The following ERC2 variants were observed in gnomAD, a reference collection of about 807,000 sequenced individuals.
The protein encoded by ERC2 is ERC protein 2.
ERC2 carries 42 observed loss-of-function variants against 114.8 expected under a neutral mutation model. That is an observed-to-expected ratio of 0.37 (90% CI 0.29 to 0.47). The LOEUF (loss-of-function observed/expected upper bound fraction) is 0.47, where lower values mean the gene tolerates loss of function less well. Among genes scored for constraint, ERC2 ranks in the 20% least tolerant of loss-of-function variants. The probability of loss-of-function intolerance (pLI) is 0.99; values close to 1 mark genes in which losing one functional copy is unlikely to be tolerated. For missense variants in ERC2, 939 were observed against 1,150.7 expected (o/e 0.82, Z 2.66); for synonymous variants, 454 against 425.5 (o/e 1.07, Z -0.82).
Position 56,346,400 on chromosome 3 carries a change from A to G in ERC2, c.658-49965T>C, listed in dbSNP as rs138317670. 5.4e-3 allele frequency among the ~76,000 whole-genome samples: 820 copies of G among 152,278 alleles called. 6 individuals are homozygous for G. The highest frequency in any genetic ancestry group is 0.018 in the African/African-American group (767 of 41,558). On this transcript the variant is annotated intron_variant, in intron 2 of 17. Coordinates refer to ENST00000288221, the MANE Select transcript of ERC2 (RefSeq NM_015576.3). ...TATAAAAATCAACTCAAAATGGATT[A>G]AAAACTTAAACATAAGACCTTGTAT...
chr3:55,699,301 C>A, intron 16 of ERC2, 77 bp downstream of exon 16: 1 of 1,560,632 alleles, frequency 6.4e-7, no homozygotes, highest in Non-Finnish European at 8.8e-7. Flanking sequence ...TTTATTATTT[C>A]TTGAGGATTA....
intron 7 of ERC2, among the ~76,000 whole-genome samples, chr3:56,029,547 C>T (rs2074250738): frequency 6.6e-6 from 1 of 151,966 alleles, no homozygotes; most frequent in Admixed American, 6.5e-5. Context: ...ATGTTGGTTA[C>T]TTTTGGATAC....
intron 6 of ERC2, among the ~76,000 whole-genome samples, chr3:56,100,518 C>A (rs577566008): frequency 6.6e-6 from 1 of 152,162 alleles, no homozygotes. Flanking sequence ...AACAAAACCA[C>A]AAAATTAAAA....
chr3:55,650,248 A>C lies in ERC2; in HGVS notation c.*39+33546T>G, dbSNP rs1173467495. On this transcript the variant is annotated intron_variant, in intron 17 of 17. Coordinates refer to ENST00000288221, the MANE Select transcript of ERC2 (RefSeq NM_015576.3). Reference sequence around the variant, plus strand: ...TCCTTATTCATAGAGCGTTCCCTGCAAAAAGAGTCCTCGCAAGGCTCCCCA... The same window carrying C: ...TCCTTATTCATAGAGCGTTCCCTGCCAAAAGAGTCCTCGCAAGGCTCCCCA... Among the ~76,000 whole-genome samples, 4 of 152,164 alleles carry C rather than the reference A, an allele frequency of 2.6e-5. No homozygotes were observed. The East Asian group carries it at 7.7e-4, about 29-fold the overall frequency.
At chr3:56,142,002 T>C (rs2080884563) in intron 5 of ERC2, among the ~76,000 whole-genome samples, 1 of 152,196 alleles carries the variant, frequency 6.6e-6, no homozygotes, top group African/African-American at 2.4e-5. Flanking sequence ...TCCTGTGAAA[T>C]TGGAATTTTT....
intron 13 of ERC2, among the ~76,000 whole-genome samples, chr3:55,928,706 C>T (rs2065894099): frequency 1.3e-5 from 2 of 152,132 alleles, no homozygotes; most frequent in South Asian, 4.1e-4. Flanking sequence ...TGGAGAGTTT[C>T]CCCAGTGTTT....
At chr3:56,048,160 C>T (rs1225878714) in intron 7 of ERC2, among the ~76,000 whole-genome samples, 1 of 152,216 alleles carries the variant, frequency 6.6e-6, no homozygotes, top group Admixed American at 6.5e-5. Context: ...AAATATTAAA[C>T]CGTAAATTAC....
chr3:55,659,119 GTTC>G (rs2061006432), intron 17 of ERC2: 1 of 152,168 alleles, frequency 6.6e-6, no homozygotes, highest in Non-Finnish European at 1.5e-5. Flanking sequence ...GAAAGCTTTT[GTTC>G]TTCTGTCAGC....
At chr3:55,726,756 C>A (rs1441090555) in intron 15 of ERC2, among the ~76,000 whole-genome samples, 1 of 152,038 alleles carries the variant, frequency 6.6e-6, no homozygotes, top group Non-Finnish European at 1.5e-5. Flanking sequence ...TTCTGCAAAC[C>A]CCATGGGAGG....
At chr3:56,213,948 C>A (rs550867188) in intron 3 of ERC2, among the ~76,000 whole-genome samples, 1 of 152,178 alleles carries the variant, frequency 6.6e-6, no homozygotes, top group African/African-American at 2.4e-5. Flanking sequence ...AAGGTCCTGA[C>A]TGCTAGAAGG....
intron 6 of ERC2, among the ~76,000 whole-genome samples, chr3:56,135,250 G>A (rs1461672930): frequency 1.3e-5 from 2 of 152,070 alleles, no homozygotes; most frequent in Non-Finnish European, 2.9e-5. Flanking sequence ...ACCACACCTG[G>A]CCAGAAATAA....
At chr3:55,943,507 G>A (rs1319692185) in intron 13 of ERC2, among the ~76,000 whole-genome samples, 2 of 144,944 alleles carry the variant, frequency 1.4e-5, no homozygotes, top group African/African-American at 5.0e-5. Flanking sequence ...ATCTTCACAG[G>A]AAGAACTCTC....
At chr3:56,390,477 G>A (rs2060089253) in intron 2 of ERC2, among the ~76,000 whole-genome samples, 1 of 152,184 alleles carries the variant, frequency 6.6e-6, no homozygotes, top group African/African-American at 2.4e-5. Context: ...GGGCGGCAAA[G>A]GAGAGTGATT....
chr3:56,144,015 A>T (rs1351662288), intron 5 of ERC2, among the ~76,000 whole-genome samples: 1 of 152,222 alleles, frequency 6.6e-6, no homozygotes, highest in African/African-American at 2.4e-5. Context: ...GGAACAAACA[A>T]GCTTCATCTT....
At chr3:55,834,176 C>G (rs188069955) in intron 14 of ERC2, among the ~76,000 whole-genome samples, 3 of 152,086 alleles carry the variant, frequency 2.0e-5, no homozygotes, top group Non-Finnish European at 4.4e-5. Flanking sequence ...CTTTAACACC[C>G]CACTGTCAAC....
chr3:55,879,060 TTTTC>T (rs1413974773), intron 14 of ERC2, among the ~76,000 whole-genome samples: 3 of 148,624 alleles, frequency 2.0e-5, no homozygotes, highest in African/African-American at 7.5e-5. Flanking sequence ...TAACTTTCTT[TTTTC>T]TTTCTTTTTC....
intron 17 of ERC2, among the ~76,000 whole-genome samples, chr3:55,668,200 C>T (rs912098122): frequency 1.3e-5 from 2 of 152,092 alleles, no homozygotes; most frequent in African/African-American, 4.8e-5. Flanking sequence ...TGGGGAGAGA[C>T]TTTGGCATGT....
chr3:56,434,646 T>C lies in ERC2; in HGVS notation c.362A>G (p.His121Arg), dbSNP rs990511130. Reference sequence around the variant, plus strand: ...ATGGGATGAGCCAGTCAGCCCACCATGTTGATCTGTGTATGAAAGGACATC... The same window carrying C: ...ATGGGATGAGCCAGTCAGCCCACCACGTTGATCTGTGTATGAAAGGACATC... ...HTDVLSYTDQ[H>R]GGLTGSSHHH... Residue 121 changes from histidine to arginine, a missense_variant, in exon 2 of 18, where the codon CAT becomes CGT. This residue lies in a region of ERC2 where 281 missense variants were observed against 307.4 expected (regional missense o/e 0.91). Transcript: ENST00000288221. 4.3e-6 allele frequency: 7 copies of C among 1,613,964 alleles called. No homozygotes were observed. Among genetic ancestry groups the C allele is most frequent in the Non-Finnish European group, 5.1e-6 (6 of 1,179,880 alleles).
chr3:56,127,329 G>A (rs1177914458), intron 6 of ERC2, among the ~76,000 whole-genome samples: 1 of 152,148 alleles, frequency 6.6e-6, no homozygotes, highest in Non-Finnish European at 1.5e-5. Context: ...ATCCTAAAAT[G>A]TGTATGGAAC....
Sources: gnomAD v4.1 joint callset for allele counts (sites outside exome capture counted in the v4.1 genomes callset) on GRCh38, gnomAD v4.1.1 for gene constraint, gnomAD v4.1.1 regional missense constraint, MANE v1.5 for transcripts, NCBI Gene and HGNC (gene_info 2026-07-23, HGNC 2026-07-21) for gene names.